AUTS2: variants seen among roughly 807,000 people sequenced by gnomAD.
The protein encoded by AUTS2 is autism susceptibility gene 2 protein.
A neutral mutation model predicts 112.4 loss-of-function variants in AUTS2; 17 were observed. The observed-to-expected ratio is 0.15, with a 90% CI of 0.10 to 0.23. The LOEUF is 0.23. Among genes scored for constraint, AUTS2 ranks in the 10% least tolerant of loss-of-function variants. The probability of loss-of-function intolerance (pLI) is 1.00; values close to 1 mark genes in which losing one functional copy is unlikely to be tolerated. For missense variants in AUTS2, 1,510 were observed against 1,701.6 expected, an observed-to-expected ratio of 0.89 and a Z score of 1.98; for synonymous variants, 751 against 702.7, an observed-to-expected ratio of 1.07 and a Z score of -1.09.
chr7:70,769,806 G>A (rs921860212), intron 10 of AUTS2, among the ~76,000 whole-genome samples: 20 of 152,184 alleles, frequency 1.3e-4, no homozygotes, highest in African/African-American at 4.6e-4. Flanking sequence ...CAAAGATGGA[G>A]AATAAGCCTG....
chr7:70,300,816 A>G (rs887277003), intron 4 of AUTS2, among the ~76,000 whole-genome samples: 4 of 152,192 alleles, frequency 2.6e-5, no homozygotes, highest in African/African-American at 9.6e-5. Flanking sequence ...TAGACACATA[A>G]TGTTCTCAGC....
chr7:70,328,388 A>G (rs887551016), intron 4 of AUTS2, among the ~76,000 whole-genome samples: 2 of 151,830 alleles, frequency 1.3e-5, no homozygotes, highest in Non-Finnish European at 2.9e-5. Context: ...CACCTGGTTT[A>G]TTATTTTTTT....
chr7:70,226,212 G>T (rs1322762219), intron 4 of AUTS2, among the ~76,000 whole-genome samples: 1 of 151,912 alleles, frequency 6.6e-6, no homozygotes, highest in African/African-American at 2.4e-5. Flanking sequence ...TTTTGAGAGG[G>T]AGTCTCACTC....
chr7:69,911,810 C>G (rs1318471371), intron 2 of AUTS2, among the ~76,000 whole-genome samples: 2 of 152,150 alleles, frequency 1.3e-5, no homozygotes, highest in African/African-American at 4.8e-5. Flanking sequence ...TCCGATTGGC[C>G]AAATGGTCAT....
At chr7:69,638,187 T>G (rs1794635566) in intron 1 of AUTS2, among the ~76,000 whole-genome samples, 1 of 152,010 alleles carries the variant, frequency 6.6e-6, no homozygotes, top group South Asian at 2.1e-4. Flanking sequence ...CCTGGCTAAT[T>G]TTATTTTTTT....
chr7:70,331,739 T>C (rs1395890768), intron 4 of AUTS2, among the ~76,000 whole-genome samples: 1 of 152,226 alleles, frequency 6.6e-6, no homozygotes, highest in African/African-American at 2.4e-5. Flanking sequence ...TCTCAATAGA[T>C]GCAGAAAAGG....
At chr7:69,966,977 A>G (rs1797657411) in intron 2 of AUTS2, among the ~76,000 whole-genome samples, 11 of 152,208 alleles carry the variant, frequency 7.2e-5, no homozygotes, top group Admixed American at 7.2e-4. Context: ...AAGGGGGAAT[A>G]GTAAGAGAAA....
chr7:69,602,036 A>ATG (rs1158164179), intron 1 of AUTS2, among the ~76,000 whole-genome samples: 4 of 17,974 alleles, frequency 2.2e-4, no homozygotes, highest in East Asian at 4.2e-3. Context: ...ATATATATAT[A>ATG]TATATGTGTG....
intron 1 of AUTS2, among the ~76,000 whole-genome samples, chr7:69,823,201 C>T (rs1338950975): frequency 6.6e-6 from 1 of 152,196 alleles, no homozygotes; most frequent in Non-Finnish European, 1.5e-5. Context: ...TGTCCCGTCT[C>T]ATAACTTAGG....
At chr7:70,436,147 A>G (rs890575638) in intron 5 of AUTS2, 45 of 205,554 alleles carry the variant, frequency 2.2e-4, no homozygotes, top group African/African-American at 1.0e-3. Flanking sequence ...TTGTGTTTAT[A>G]ATGTCATTTC....
At chr7:69,990,131 T>C (rs1242498843) in intron 2 of AUTS2, among the ~76,000 whole-genome samples, 1 of 152,200 alleles carries the variant, frequency 6.6e-6, no homozygotes, top group Non-Finnish European at 1.5e-5. Context: ...TGCATGCTAT[T>C]TTACCTCTTG....
At chr7:70,761,793 A>T (rs1298838955) in intron 6 of AUTS2, among the ~76,000 whole-genome samples, 1 of 152,180 alleles carries the variant, frequency 6.6e-6, no homozygotes, top group African/African-American at 2.4e-5. Flanking sequence ...TTCTTTCACG[A>T]TTGTAGAATT....
chr7:70,667,929 A>G (rs1482658901), intron 5 of AUTS2, among the ~76,000 whole-genome samples: 1 of 152,224 alleles, frequency 6.6e-6, no homozygotes, highest in Non-Finnish European at 1.5e-5. Context: ...TCTAGCATGC[A>G]TCACGATCAC....
intron 5 of AUTS2, among the ~76,000 whole-genome samples, chr7:70,459,754 A>G (rs936929853): frequency 6.6e-6 from 1 of 152,176 alleles, no homozygotes; most frequent in Admixed American, 6.5e-5. Context: ...AGGGATTGGA[A>G]TGTAGACCTG....
At chr7:70,018,611 G>A (rs1271019743) in intron 2 of AUTS2, among the ~76,000 whole-genome samples, 1 of 152,050 alleles carries the variant, frequency 6.6e-6, no homozygotes, top group Non-Finnish European at 1.5e-5. Context: ...TTCACAATCC[G>A]ATTCCTTATA....
chr7:70,164,889 G>A (rs1584815173), intron 4 of AUTS2, among the ~76,000 whole-genome samples: 2 of 151,926 alleles, frequency 1.3e-5, no homozygotes, highest in Admixed American at 6.6e-5. Flanking sequence ...ATGTAAAATA[G>A]TCAACAAAAT....
At chr7:70,397,447 G>A (rs922724179) in intron 4 of AUTS2, among the ~76,000 whole-genome samples, 1 of 151,816 alleles carries the variant, frequency 6.6e-6, no homozygotes, top group African/African-American at 2.4e-5. Flanking sequence ...CTGATATTGA[G>A]CATATTTTCA....
chr7:69,599,726 C>T lies in AUTS2; in HGVS notation c.73C>T (p.Arg25Cys), dbSNP rs2129067346. 1.5e-6 allele frequency: 2 copies of T among 1,324,168 alleles called. No individual in the cohort carries two copies. The highest frequency in any genetic ancestry group is 2.5e-5 in the South Asian group (1 of 40,776). 82.0% of individuals were successfully genotyped at this position (1,324,168 alleles called of 1,614,324 possible). A position where few individuals can be genotyped will look rare whatever the true frequency, so the allele number is the denominator to read the frequency against. The change falls in exon 1 of 19, where the codon CGC (arginine) becomes TGC (cysteine). Residue 25 changes from arginine (R) to cysteine (C), a missense_variant. Coordinates refer to ENST00000342771, the MANE Select transcript of AUTS2 (RefSeq NM_015570.4). This position sits in a 1 kb window ranked among gnomAD's most constrained non-coding sequence, Gnocchi z 7.0. ...GCGGTCGCAGCGAGACCGGGAGAGG[C>T]GCTCCCGGGGCGGGCTGGGGGCCGG... Reference protein sequence around the residue: ...RSRSQRDRERRSRGGLGAGAA... With the variant: ...RSRSQRDRERCSRGGLGAGAA...
intron 4 of AUTS2, among the ~76,000 whole-genome samples, chr7:70,148,824 A>G (rs1325958335): frequency 6.6e-6 from 1 of 152,150 alleles, no homozygotes; most frequent in African/African-American, 2.4e-5. Context: ...ATGAGAATTT[A>G]TAACAAAAAT....
Sources: allele counts gnomAD v4.1 joint callset (sites outside exome capture counted in the v4.1 genomes callset), GRCh38; gene constraint gnomAD v4.1.1; non-coding constraint Gnocchi (gnomAD v3.1); transcripts MANE v1.5; gene names NCBI Gene and HGNC (gene_info 2026-07-23, HGNC 2026-07-21).